The following CTTNBP2 variants were observed in gnomAD, a reference collection of about 807,000 sequenced individuals.
The protein encoded by CTTNBP2 is cortactin-binding protein 2.
In CTTNBP2, 108 loss-of-function variants were observed where a neutral mutation model predicts 156.9. That is an observed-to-expected ratio of 0.69 (90% CI 0.59 to 0.81). The LOEUF (loss-of-function observed/expected upper bound fraction) is 0.81, where lower values mean the gene tolerates loss of function less well. Ranked by LOEUF, CTTNBP2 falls within the 30% of genes least tolerant of loss-of-function variation. The pLI, the probability that CTTNBP2 is intolerant of heterozygous loss-of-function variation, is 0.00. For synonymous variants in CTTNBP2, 767 were observed against 751.8 expected, an observed-to-expected ratio of 1.02 and a Z score of -0.33; for missense variants, 1,924 against 2,035.4, an observed-to-expected ratio of 0.95 and a Z score of 1.05.
chr7:117,717,316 T>A (rs1466478647), intron 22 of CTTNBP2, among the ~76,000 whole-genome samples: 1 of 150,970 alleles, frequency 6.6e-6, no homozygotes, highest in South Asian at 2.1e-4. Flanking sequence ...TGAAATAAAA[T>A]TGAGATTTTT....
At chr7:117,748,871 T>G (rs192266011) in intron 12 of CTTNBP2, among the ~76,000 whole-genome samples, 1 of 152,288 alleles carries the variant, frequency 6.6e-6, no homozygotes, top group African/African-American at 2.4e-5. Flanking sequence ...AAGTTGGGGT[T>G]GTTAGGAGGG....
At chr7:117,783,963 C>T (rs1401131735) in intron 5 of CTTNBP2, among the ~76,000 whole-genome samples, 1 of 152,074 alleles carries the variant, frequency 6.6e-6, no homozygotes, top group Non-Finnish European at 1.5e-5. Context: ...ATTAGACTTT[C>T]TCATATATCA....
rs925016763 is a variant in CTTNBP2 at position 117,767,140 on chromosome 7, C to T, written c.2815G>A (p.Glu939Lys). The T allele has an allele frequency of 6.2e-7, 1 of 1,612,488 alleles. No individual in the cohort carries two copies. The highest frequency in any genetic ancestry group is 8.5e-7 in the Non-Finnish European group (1 of 1,178,680). ...LEILCRHGGL[E>K]PERRDKCNRT... ...TTGCACTTGTCTCTCCTTTCTGGCT[C>T]AAGCCCTCCGTGCCTACACAAGATT... The change falls in exon 9 of 23, where the codon GAG (glutamate) becomes AAG (lysine). Residue 939 changes from glutamate to lysine, a missense_variant. Coordinates refer to ENST00000160373, the MANE Select transcript of CTTNBP2 (RefSeq NM_033427.3).
At position 117,792,260 on chromosome 7, in the gene CTTNBP2, C is replaced by T; in HGVS notation, c.936G>A (p.Val312=). The change falls in exon 4 of 23, where the codon GTG becomes GTA. Residue 312 remains valine, a synonymous_variant. Coordinates refer to ENST00000160373, the MANE Select transcript of CTTNBP2 (RefSeq NM_033427.3). This position sits in a 1 kb window ranked among gnomAD's most constrained non-coding sequence, Gnocchi z 4.2. ...TRSVACQTDL[V]TENADHMKKL... ...TTTTCATGTGGTCAGCATTTTCTGTCACTAGGTCTGTCTGGCATGCAACAG... is the reference window on the plus strand; with the variant it reads ...TTTTCATGTGGTCAGCATTTTCTGTTACTAGGTCTGTCTGGCATGCAACAG... 3 of 1,614,194 alleles carry T rather than the reference C, an allele frequency of 1.9e-6. No homozygotes were observed. Among genetic ancestry groups the T allele is most frequent in the East Asian group, 2.2e-5 (1 of 44,876 alleles).
At chr7:117,856,419 C>T (rs530056600) in intron 2 of CTTNBP2, among the ~76,000 whole-genome samples, 1 of 152,308 alleles carries the variant, frequency 6.6e-6, no homozygotes, top group Admixed American at 6.5e-5. Context: ...GGATCACTCA[C>T]CTCCAGATTG....
At chr7:117,780,320 C>A in intron 7 of CTTNBP2, 121 bp downstream of exon 7, 1 of 642,068 alleles carries the variant, frequency 1.6e-6, no homozygotes, top group African/African-American at 1.9e-5. Context: ...CTTTCCAAAT[C>A]CTACAAGCAA....
At position 117,792,788 on chromosome 7, in the gene CTTNBP2, G is replaced by T. The variant is rs767444617; in HGVS notation, c.415-7C>A. 2.0e-6 allele frequency: 3 copies of T among 1,523,440 alleles called. No homozygotes were observed. The highest frequency in any genetic ancestry group is 2.3e-5 in the East Asian group (1 of 43,724). 94.4% of individuals were successfully genotyped at this position (1,523,440 alleles called of 1,614,324 possible). On this transcript the variant is annotated splice_region_variant and splice_polypyrimidine_tract_variant and intron_variant, in intron 3 of 22. Coordinates refer to ENST00000160373, the MANE Select transcript of CTTNBP2 (RefSeq NM_033427.3). The surrounding 1 kb of genome is among the most constrained non-coding windows in gnomAD (Gnocchi z 4.2). ...GAAGCTTCTCCATTTCCAGCTGAAAGAAATTCACAGGAAAACCCTGATTAA... is the reference window on the plus strand; with the variant it reads ...GAAGCTTCTCCATTTCCAGCTGAAATAAATTCACAGGAAAACCCTGATTAA...
At chr7:117,793,082 G>A (rs1449312322) in intron 3 of CTTNBP2, among the ~76,000 whole-genome samples, 1 of 152,096 alleles carries the variant, frequency 6.6e-6, no homozygotes, top group Non-Finnish European at 1.5e-5. Context: ...CACAGCACAG[G>A]GATCAGAAAG....
intron 2 of CTTNBP2, among the ~76,000 whole-genome samples, chr7:117,832,396 G>C (rs1052158780): frequency 5.9e-5 from 9 of 152,078 alleles, no homozygotes; most frequent in African/African-American, 9.7e-5. Flanking sequence ...AAGAGGGACT[G>C]CCCTAAAACG....
At chr7:117,835,757 A>G (rs1267630893) in intron 2 of CTTNBP2, among the ~76,000 whole-genome samples, 1 of 152,208 alleles carries the variant, frequency 6.6e-6, no homozygotes, top group Non-Finnish European at 1.5e-5. Context: ...ACTGGAGATT[A>G]TAAGGATGCA....
At chr7:117,771,701 T>C (rs1198519650) in intron 8 of CTTNBP2, among the ~76,000 whole-genome samples, 2 of 152,230 alleles carry the variant, frequency 1.3e-5, no homozygotes, top group African/African-American at 4.8e-5. Context: ...AAACATTTAG[T>C]ACTTTTGGGC....
chr7:117,728,016 A>T, intron 17 of CTTNBP2, 73 bp downstream of exon 17: 156 of 1,159,258 alleles, frequency 1.3e-4, no homozygotes, highest in Non-Finnish European at 1.9e-4. Flanking sequence ...CCTGGTCAGC[A>T]TTCTCACCCT....
At chr7:117,729,523 GA>G (rs1159741425) in intron 16 of CTTNBP2, among the ~76,000 whole-genome samples, 1 of 151,964 alleles carries the variant, frequency 6.6e-6, no homozygotes, top group Non-Finnish European at 1.5e-5. Context: ...CTGCTAAGAA[GA>G]AAAAAATCCA....
At chr7:117,836,346 T>C (rs374848645) in intron 2 of CTTNBP2, among the ~76,000 whole-genome samples, 9 of 152,092 alleles carry the variant, frequency 5.9e-5, no homozygotes, top group African/African-American at 1.4e-4. Flanking sequence ...GGGCGGATCA[T>C]GAGGTCAGGA....
intron 22 of CTTNBP2, among the ~76,000 whole-genome samples, chr7:117,716,344 T>C (rs1183744415): frequency 6.6e-6 from 1 of 151,970 alleles, no homozygotes; most frequent in Non-Finnish European, 1.5e-5. Context: ...GCAGCAGCCA[T>C]TCTCTATTTT....
At chr7:117,855,299 G>C (rs558183019) in intron 2 of CTTNBP2, among the ~76,000 whole-genome samples, 59 of 152,118 alleles carry the variant, frequency 3.9e-4, no homozygotes, top group African/African-American at 1.3e-3. Flanking sequence ...TTTTAGTAGA[G>C]ACAGAGTTCC....
At chr7:117,744,246 T>C (rs1029602349) in intron 14 of CTTNBP2, among the ~76,000 whole-genome samples, 2 of 152,192 alleles carry the variant, frequency 1.3e-5, no homozygotes, top group Admixed American at 1.3e-4. Flanking sequence ...TTACTGACTA[T>C]AGTCACTATC....
chr7:117,830,959 G>A (rs1801567631), intron 2 of CTTNBP2, among the ~76,000 whole-genome samples: 1 of 152,230 alleles, frequency 6.6e-6, no homozygotes, highest in Middle Eastern at 3.4e-3. Flanking sequence ...GTTTTCACAT[G>A]TAAGTTTTTT....
chr7:117,819,178 T>C (rs527352172), intron 2 of CTTNBP2, among the ~76,000 whole-genome samples: 23 of 152,104 alleles, frequency 1.5e-4, no homozygotes, highest in Admixed American at 4.6e-4. Flanking sequence ...AGACCAACAT[T>C]AAATAACACT....
Sources: gnomAD v4.1 joint callset for allele counts (sites outside exome capture counted in the v4.1 genomes callset) on GRCh38, gnomAD v4.1.1 for gene constraint, Gnocchi (gnomAD v3.1) non-coding constraint, MANE v1.5 for transcripts, NCBI Gene and HGNC (gene_info 2026-07-23, HGNC 2026-07-21) for gene names.